The following PRKN variants were observed in gnomAD, a reference collection of about 807,000 sequenced individuals.
PRKN encodes the protein E3 ubiquitin-protein ligase parkin.
In PRKN, 56 loss-of-function variants were observed where a neutral mutation model predicts 59.5. The ratio of observed to expected loss-of-function variants is 0.94; its 90% CI spans 0.76 to 1.18. The LOEUF (loss-of-function observed/expected upper bound fraction) is 1.18, where lower values mean the gene tolerates loss of function less well. Among genes scored for constraint, PRKN ranks in the 50% most tolerant of loss-of-function variants. The pLI, the probability that PRKN is intolerant of heterozygous loss-of-function variation, is 0.00. For synonymous variants in PRKN, 250 were observed against 222.1 expected, an observed-to-expected ratio of 1.13 and a Z score of -1.12; for missense variants, 657 against 596.4, an observed-to-expected ratio of 1.10 and a Z score of -1.06.
rs1785022854 is a variant in PRKN at position 161,362,685 on chromosome 6, C to T, written c.1168-2480G>A. Among the ~76,000 whole-genome samples, 2 of 152,168 alleles carry T rather than the reference C, an allele frequency of 1.3e-5. No individual in the cohort carries two copies. Among genetic ancestry groups the T allele is most frequent in the African/African-American group, 2.4e-5 (1 of 41,430 alleles). The stretch of plus-strand genomic sequence containing the variant: ...TGATTAGCTTTAAAAAACCTCAAGT[C>T]AAAAATTAATTTGAAATATTACCAG... On this transcript the variant is annotated intron_variant, in intron 10 of 11. Transcript: ENST00000366898. The surrounding 1 kb of genome is among the most constrained non-coding windows in gnomAD (Gnocchi z 5.2).
chr6:161,432,355 A>ATTTTTT (rs1188841520), intron 9 of PRKN, among the ~76,000 whole-genome samples: 5 of 92,182 alleles, frequency 5.4e-5, no homozygotes, highest in African/African-American at 9.1e-5. Flanking sequence ...ACTTCCTCTG[A>ATTTTTT]TTTTTTTTTT....
At chr6:161,436,972 C>T (rs534466585) in intron 9 of PRKN, among the ~76,000 whole-genome samples, 5 of 152,192 alleles carry the variant, frequency 3.3e-5, no homozygotes, top group Admixed American at 3.3e-4. Flanking sequence ...AACTAGGATG[C>T]TTCTGTTACC....
intron 2 of PRKN, among the ~76,000 whole-genome samples, chr6:162,264,015 T>C (rs908704866): frequency 6.6e-6 from 1 of 152,116 alleles, no homozygotes; most frequent in African/African-American, 2.4e-5. Flanking sequence ...GGCTCACACC[T>C]GTAATCCCAG....
At chr6:161,720,260 C>A (rs757087380) in intron 7 of PRKN, among the ~76,000 whole-genome samples, 1 of 152,200 alleles carries the variant, frequency 6.6e-6, no homozygotes, top group Non-Finnish European at 1.5e-5. Context: ...TAATCACCCA[C>A]CAGGTATGAC....
chr6:161,904,322 T>G (rs1249808420), intron 6 of PRKN, among the ~76,000 whole-genome samples: 19 of 140,338 alleles, frequency 1.4e-4, no homozygotes, highest in Admixed American at 9.9e-4. Flanking sequence ...TTTTTTTTTT[T>G]TTTTTTTTTT....
chr6:161,644,892 A>T (rs1280034046), intron 7 of PRKN, among the ~76,000 whole-genome samples: 1 of 152,224 alleles, frequency 6.6e-6, no homozygotes, highest in African/African-American at 2.4e-5. Flanking sequence ...CTTTAGTTGG[A>T]TTCTATTACA....
chr6:161,606,412 A>ATGG (rs1782285637), intron 7 of PRKN, among the ~76,000 whole-genome samples: 1 of 152,210 alleles, frequency 6.6e-6, no homozygotes, highest in East Asian at 1.9e-4. Flanking sequence ...ACCAGTAGGG[A>ATGG]TGGTGGTGAC....
rs747399366 is a variant in PRKN, at chr6:161,575,818, G to C, written c.872-6402C>G. ...AGCTTAGAATCCCTAATGTGGGCTT[G>C]ACAATTACAGTGACCTTCTATTTCC... On this transcript the variant is annotated intron_variant, in intron 7 of 11. Transcript: ENST00000366898. The surrounding 1 kb of genome is among the most constrained non-coding windows in gnomAD (Gnocchi z 4.6). Among the ~76,000 whole-genome samples the C allele has an allele frequency of 7.2e-5, 11 of 152,190 alleles. No homozygotes were observed. Among genetic ancestry groups the C allele is most frequent in the Non-Finnish European group, 1.0e-4 (7 of 68,038 alleles).
At chr6:162,416,972 C>G (rs376939242) in intron 2 of PRKN, among the ~76,000 whole-genome samples, 48 of 152,234 alleles carry the variant, frequency 3.2e-4, no homozygotes, top group African/African-American at 1.1e-3. Context: ...CCTAACTAAA[C>G]AGCTGTTTTA....
intron 1 of PRKN, among the ~76,000 whole-genome samples, chr6:162,649,388 T>C (rs986451037): frequency 1.3e-5 from 2 of 152,174 alleles, no homozygotes; most frequent in African/African-American, 4.8e-5. Context: ...ATACTGGTAA[T>C]GATTTTGCCA....
At chr6:161,670,586 C>T (rs918275153) in intron 7 of PRKN, among the ~76,000 whole-genome samples, 7 of 152,192 alleles carry the variant, frequency 4.6e-5, no homozygotes, top group South Asian at 2.1e-4. Context: ...GAGGCCGAGG[C>T]GGGTGGATCA....
At chr6:162,285,591 C>T (rs1781152096) in intron 2 of PRKN, among the ~76,000 whole-genome samples, 2 of 152,106 alleles carry the variant, frequency 1.3e-5, no homozygotes, top group Non-Finnish European at 2.9e-5. Flanking sequence ...TAATAACTCT[C>T]AAGAACTGTA....
chr6:161,910,042 G>A (rs113600397), intron 6 of PRKN, among the ~76,000 whole-genome samples: 19 of 152,270 alleles, frequency 1.2e-4, no homozygotes, highest in African/African-American at 4.3e-4. Context: ...CCTCATGGGT[G>A]ATTTTGAGGG....
At chr6:161,436,466 G>A (rs951581090) in intron 9 of PRKN, among the ~76,000 whole-genome samples, 18 of 151,858 alleles carry the variant, frequency 1.2e-4, no homozygotes, top group Middle Eastern at 3.4e-3. Context: ...TTTTTGGGGG[G>A]GGGTGGGCGG....
Position 161,350,011 on chromosome 6 carries a change from T to G in PRKN, c.*88A>C. Reference sequence around the variant, plus strand: ...GTGTGTGCGCGCGCGCGCGTGTGTGTGTGTGTTTGAAAAGAGAATTAGAAA... The same window carrying G: ...GTGTGTGCGCGCGCGCGCGTGTGTGGGTGTGTTTGAAAAGAGAATTAGAAA... On this transcript the variant is annotated 3_prime_UTR_variant, in exon 12 of 12. Transcript: ENST00000366898. The G allele has an allele frequency of 1.1e-6, 1 of 875,342 alleles. No individual in the cohort carries two copies. The highest frequency in any genetic ancestry group is 1.9e-6 in the Non-Finnish European group (1 of 531,880). 54.2% of individuals were successfully genotyped at this position (875,342 alleles called of 1,614,324 possible). A position where few individuals can be genotyped will look rare whatever the true frequency, so the allele number is the denominator to read the frequency against.
chr6:162,606,988 T>C (rs777888071), intron 1 of PRKN, among the ~76,000 whole-genome samples: 4 of 152,110 alleles, frequency 2.6e-5, no homozygotes, highest in Non-Finnish European at 5.9e-5. Flanking sequence ...GCTGAGATTA[T>C]AGGTGTGAGC....
At chr6:161,968,645 T>C (rs184235723) in intron 6 of PRKN, among the ~76,000 whole-genome samples, 1 of 152,326 alleles carries the variant, frequency 6.6e-6, no homozygotes, top group Non-Finnish European at 1.5e-5. Context: ...CTAATTTGAT[T>C]AATGATGTAT....
chr6:162,293,642 G>T (rs1261249368), intron 2 of PRKN, among the ~76,000 whole-genome samples: 10 of 152,036 alleles, frequency 6.6e-5, no homozygotes, highest in African/African-American at 2.4e-4. Context: ...TCAGAGATGG[G>T]GACACAGAGG....
At chr6:162,270,493 C>A (rs996815647) in intron 2 of PRKN, among the ~76,000 whole-genome samples, 1 of 152,160 alleles carries the variant, frequency 6.6e-6, no homozygotes, top group African/African-American at 2.4e-5. Context: ...ACCATCTGTA[C>A]CCCAATAACT....
Sources: allele counts gnomAD v4.1 joint callset (sites outside exome capture counted in the v4.1 genomes callset), GRCh38; gene constraint gnomAD v4.1.1; non-coding constraint Gnocchi (gnomAD v3.1); transcripts MANE v1.5; gene names NCBI Gene and HGNC (gene_info 2026-07-23, HGNC 2026-07-21).